The following PRKG1 variants were observed in gnomAD, a reference collection of about 807,000 sequenced individuals.
PRKG1 encodes the protein cGMP-dependent protein kinase 1.
A neutral mutation model predicts 88.1 loss-of-function variants in PRKG1; 35 were observed. The ratio of observed to expected loss-of-function variants is 0.40; its 90% CI spans 0.30 to 0.53. The LOEUF (loss-of-function observed/expected upper bound fraction) is 0.53. Ranked by LOEUF, PRKG1 falls within the 20% of genes least tolerant of loss-of-function variation. The probability of loss-of-function intolerance (pLI) is 0.59; values close to 1 mark genes in which losing one functional copy is unlikely to be tolerated. For synonymous variants in PRKG1, 303 were observed against 292.5 expected, an observed-to-expected ratio of 1.04 and a Z score of -0.37; for missense variants, 540 against 839.8, an observed-to-expected ratio of 0.64 and a Z score of 4.41.
chr10:51,428,617 A>G lies in PRKG1; in HGVS notation c.479-39106A>G, dbSNP rs370786614. Among the ~76,000 whole-genome samples the G allele has an allele frequency of 1.6e-4, 25 of 152,334 alleles. No individual in the cohort carries two copies. In the East Asian group the frequency reaches 4.1e-3, roughly 25 times the overall value. On this transcript the variant is annotated intron_variant, in intron 2 of 17. Coordinates refer to ENST00000373980, the MANE Select transcript of PRKG1 (RefSeq NM_006258.4). ...CCCTGGGTAAGGGCACTATGAGTCT[A>G]TAGCATTTTTGCCTGGGGCTTCTTT...
intron 2 of PRKG1, among the ~76,000 whole-genome samples, chr10:51,419,388 A>G (rs1474713669): frequency 1.3e-5 from 2 of 152,190 alleles, no homozygotes; most frequent in African/African-American, 2.4e-5. Flanking sequence ...AGTGGTAACC[A>G]TGGCAACCTC....
chr10:51,780,307 G>A (rs1390828753), intron 3 of PRKG1, among the ~76,000 whole-genome samples: 3 of 152,056 alleles, frequency 2.0e-5, no homozygotes, highest in African/African-American at 4.8e-5. Context: ...ATAAGGCACA[G>A]TGATTTTTAC....
intron 3 of PRKG1, among the ~76,000 whole-genome samples, chr10:51,683,445 C>A (rs1021571963): frequency 6.6e-6 from 1 of 152,138 alleles, no homozygotes; most frequent in Admixed American, 6.5e-5. Flanking sequence ...GGGCTCATTG[C>A]CCAATGCACA....
intron 5 of PRKG1, among the ~76,000 whole-genome samples, chr10:52,014,436 T>G (rs1270182226): frequency 2.0e-5 from 3 of 152,140 alleles, no homozygotes; most frequent in African/African-American, 7.2e-5. Flanking sequence ...GCCTCCATGA[T>G]CCAATCACCC....
chr10:51,577,650 C>T (rs1352810777), intron 3 of PRKG1, among the ~76,000 whole-genome samples: 1 of 151,976 alleles, frequency 6.6e-6, no homozygotes, highest in East Asian at 1.9e-4. Context: ...AAATAAATAT[C>T]TTGATGGAAT....
At chr10:51,597,128 A>G (rs1838471459) in intron 3 of PRKG1, among the ~76,000 whole-genome samples, 1 of 151,980 alleles carries the variant, frequency 6.6e-6, no homozygotes, top group South Asian at 2.1e-4. Context: ...TAGTTGGTAT[A>G]TGTTTTCTTT....
At chr10:51,334,152 T>TTCTCTCTCTCTCTC (rs10568175) in intron 2 of PRKG1, among the ~76,000 whole-genome samples, 23 of 137,212 alleles carry the variant, frequency 1.7e-4, no homozygotes, top group East Asian at 1.3e-3. Flanking sequence ...CTCTCTCTCT[T>TTCTCTCTCTCTCTC]TCTCTCTCTC....
chr10:51,794,987 T>C (rs1026652361), intron 3 of PRKG1, among the ~76,000 whole-genome samples: 1 of 152,132 alleles, frequency 6.6e-6, no homozygotes, highest in African/African-American at 2.4e-5. Flanking sequence ...AGTTTCATTA[T>C]GCGTAGTAAA....
chr10:51,553,130 A>G (rs1837183554), intron 3 of PRKG1, among the ~76,000 whole-genome samples: 1 of 151,656 alleles, frequency 6.6e-6, no homozygotes, highest in Non-Finnish European at 1.5e-5. Context: ...TAAAGTTGAT[A>G]ATTTTGTTGA....
At chr10:51,623,368 T>C (rs1839256819) in intron 3 of PRKG1, among the ~76,000 whole-genome samples, 1 of 152,124 alleles carries the variant, frequency 6.6e-6, no homozygotes, top group Non-Finnish European at 1.5e-5. Flanking sequence ...GACTGGCTAA[T>C]TTTTTTAACT....
intron 3 of PRKG1, among the ~76,000 whole-genome samples, chr10:51,478,904 A>G (rs150665443): frequency 3.9e-5 from 6 of 151,998 alleles, no homozygotes; most frequent in African/African-American, 9.6e-5. Flanking sequence ...GAGTTGGAAG[A>G]GATCTTAGAC....
chr10:51,249,667 G>A (rs1018017991), intron 2 of PRKG1, among the ~76,000 whole-genome samples: 4 of 151,646 alleles, frequency 2.6e-5, no homozygotes, highest in Non-Finnish European at 5.9e-5. Flanking sequence ...TAAAATAATC[G>A]CAAGTAGCAG....
intron 3 of PRKG1, among the ~76,000 whole-genome samples, chr10:51,732,440 C>G (rs1042641833): frequency 1.3e-5 from 2 of 152,104 alleles, no homozygotes; most frequent in Non-Finnish European, 2.9e-5. Context: ...CTTAGAAGCA[C>G]TTACATCTAA....
chr10:51,995,938 A>G (rs1296223097), intron 5 of PRKG1, among the ~76,000 whole-genome samples: 2 of 152,212 alleles, frequency 1.3e-5, no homozygotes, highest in East Asian at 3.9e-4. Flanking sequence ...CAAAAGCACA[A>G]GCAACAAAAG....
At chr10:51,167,577 G>A (rs987067395) in intron 2 of PRKG1, among the ~76,000 whole-genome samples, 4 of 152,140 alleles carry the variant, frequency 2.6e-5, no homozygotes, top group South Asian at 2.1e-4. Flanking sequence ...AGTAGTGGGA[G>A]AAAAAGGGAT....
At chr10:51,419,511 A>G (rs954365699) in intron 2 of PRKG1, among the ~76,000 whole-genome samples, 2 of 152,206 alleles carry the variant, frequency 1.3e-5, no homozygotes, top group South Asian at 2.1e-4. Flanking sequence ...CCTGGGAGGA[A>G]AAGAATAAAT....
intron 2 of PRKG1, among the ~76,000 whole-genome samples, chr10:51,406,086 C>T (rs1837904013): frequency 6.6e-6 from 1 of 152,166 alleles, no homozygotes; most frequent in Admixed American, 6.6e-5. Context: ...TCTGTCTCTA[C>T]TTCTCCAGTT....
At chr10:52,211,205 T>G (rs1839962479) in intron 9 of PRKG1, among the ~76,000 whole-genome samples, 1 of 151,900 alleles carries the variant, frequency 6.6e-6, no homozygotes, top group Non-Finnish European at 1.5e-5. Context: ...ATGTTCTGCT[T>G]TACTTTCTGC....
chr10:51,342,761 C>T (rs892994291), intron 2 of PRKG1, among the ~76,000 whole-genome samples: 1 of 152,040 alleles, frequency 6.6e-6, no homozygotes, highest in Non-Finnish European at 1.5e-5. Flanking sequence ...CCCGTATATC[C>T]AAAAACATTA....
Sources: gnomAD v4.1 joint callset for allele counts (sites outside exome capture counted in the v4.1 genomes callset) on GRCh38, gnomAD v4.1.1 for gene constraint, MANE v1.5 for transcripts, NCBI Gene and HGNC (gene_info 2026-07-23, HGNC 2026-07-21) for gene names.